The following WWOX variants were observed in gnomAD, a reference collection of about 807,000 sequenced individuals.
WWOX encodes WW domain containing oxidoreductase.
WWOX carries 69 observed loss-of-function variants against 46.2 expected under a neutral mutation model. The ratio of observed to expected loss-of-function variants is 1.49; its 90% CI spans 1.23 to 1.82. The LOEUF (loss-of-function observed/expected upper bound fraction) is 1.82, where lower values mean the gene tolerates loss of function less well. WWOX is among the 40% of genes most tolerant of loss of function. WWOX has a pLI of 0.00. For synonymous variants in WWOX, 359 were observed against 202.6 expected, an observed-to-expected ratio of 1.77 and a Z score of -6.56; for missense variants, 919 against 542.6, an observed-to-expected ratio of 1.69 and a Z score of -6.89.
intron 8 of WWOX, among the ~76,000 whole-genome samples, chr16:78,618,863 G>C (rs1310898866): frequency 6.6e-6 from 1 of 151,606 alleles, no homozygotes; most frequent in Non-Finnish European, 1.5e-5. Flanking sequence ...GCTATACGCG[G>C]ACACCTTGGA....
chr16:78,589,572 C>T (rs1054039485), intron 8 of WWOX, among the ~76,000 whole-genome samples: 35 of 152,234 alleles, frequency 2.3e-4, no homozygotes, highest in African/African-American at 8.2e-4. Flanking sequence ...TAATGAACTC[C>T]TTGCAAGGGC....
intron 8 of WWOX, among the ~76,000 whole-genome samples, chr16:78,609,041 A>C (rs540288371): frequency 7.2e-5 from 11 of 152,288 alleles, no homozygotes; most frequent in African/African-American, 2.6e-4. Flanking sequence ...GAGTTTTATT[A>C]AAATGATAGA....
chr16:78,341,060 C>G lies in WWOX; in HGVS notation c.517-45800C>G, dbSNP rs377479749. On this transcript the variant is annotated intron_variant, in intron 5 of 8. Coordinates refer to ENST00000566780, the MANE Select transcript of WWOX (RefSeq NM_016373.4). ...CACATTTTCTGAGCCTTTGCTGGCT[C>G]TCTGATAGGAATTGTGTTACTTCTC... 2.5e-5 allele frequency among the ~76,000 whole-genome samples: 3 copies of G among 119,642 alleles called. 1 individual carries two copies. The highest frequency in any genetic ancestry group is 5.7e-5 in the African/African-American group (2 of 35,202). 78.5% of individuals were successfully genotyped at this position (119,642 alleles called of 152,430 possible). A position where few individuals can be genotyped will look rare whatever the true frequency, so the allele number is the denominator to read the frequency against.
chr16:78,968,507 T>C (rs1242745977), intron 8 of WWOX, among the ~76,000 whole-genome samples: 1 of 152,224 alleles, frequency 6.6e-6, no homozygotes, highest in Non-Finnish European at 1.5e-5. Context: ...GTTTCATTGT[T>C]AACCATCACA....
intron 4 of WWOX, among the ~76,000 whole-genome samples, chr16:78,118,796 G>A (rs1214256225): frequency 6.6e-6 from 1 of 152,150 alleles, no homozygotes; most frequent in African/African-American, 2.4e-5. Context: ...TTAGGCAAAT[G>A]GAATGCCCCA....
At chr16:79,036,271 C>G (rs1433204254) in intron 8 of WWOX, among the ~76,000 whole-genome samples, 1 of 152,212 alleles carries the variant, frequency 6.6e-6, no homozygotes, top group East Asian at 1.9e-4. Flanking sequence ...TTTGCCCTGA[C>G]TCCCACCAGA....
intron 8 of WWOX, chr16:79,017,009 T>G (rs2047427606): frequency 6.6e-6 from 1 of 152,206 alleles, no homozygotes; most frequent in Non-Finnish European, 1.5e-5. Flanking sequence ...CTAGATGGTA[T>G]CACCTTCAAA....
At chr16:78,588,409 G>C (rs566287124) in intron 8 of WWOX, among the ~76,000 whole-genome samples, 1 of 152,286 alleles carries the variant, frequency 6.6e-6, no homozygotes, top group South Asian at 2.1e-4. Flanking sequence ...GGGCTACTCT[G>C]TACTCAGATG....
intron 8 of WWOX, among the ~76,000 whole-genome samples, chr16:78,835,694 G>A (rs1478425548): frequency 6.6e-6 from 1 of 152,204 alleles, no homozygotes; most frequent in Non-Finnish European, 1.5e-5. Flanking sequence ...AACTCACCCT[G>A]TGCTAATCTG....
chr16:78,196,574 A>G (rs1412002666), intron 5 of WWOX, among the ~76,000 whole-genome samples: 1 of 152,214 alleles, frequency 6.6e-6, no homozygotes, highest in South Asian at 2.1e-4. Context: ...TCGTGTGGAA[A>G]TTAACATTAC....
intron 8 of WWOX, among the ~76,000 whole-genome samples, chr16:78,938,978 A>T (rs766593324): frequency 2.0e-5 from 3 of 152,176 alleles, no homozygotes; most frequent in Non-Finnish European, 4.4e-5. Context: ...GTGTAATGAC[A>T]TGGTTTAGAT....
At chr16:78,230,195 A>G (rs1199326805) in intron 5 of WWOX, among the ~76,000 whole-genome samples, 1 of 152,054 alleles carries the variant, frequency 6.6e-6, no homozygotes, top group African/African-American at 2.4e-5. Context: ...CTTACGTTTC[A>G]GCATCTTTCA....
intron 4 of WWOX, among the ~76,000 whole-genome samples, chr16:78,136,657 T>C (rs180974310): frequency 2.0e-5 from 3 of 152,336 alleles, no homozygotes; most frequent in East Asian, 3.9e-4. Flanking sequence ...CACAGGTTGG[T>C]TCGTTAACCT....
chr16:78,586,751 G>C (rs2045217802), intron 8 of WWOX, among the ~76,000 whole-genome samples: 1 of 152,038 alleles, frequency 6.6e-6, no homozygotes, highest in South Asian at 2.1e-4. Context: ...ATTATTCTTT[G>C]ACATAGAGGA....
chr16:78,389,732 C>G lies in WWOX; in HGVS notation c.605+2784C>G, dbSNP rs936447162. ...GCTCCAACTTGACCACCGTACTATA[C>G]TGTGTTTCATTTTAGTTTATTTTTT... On this transcript the variant is annotated intron_variant, in intron 6 of 8. Coordinates refer to ENST00000566780, the MANE Select transcript of WWOX (RefSeq NM_016373.4). Among the ~76,000 whole-genome samples, 15 of 152,188 alleles carry G rather than the reference C, an allele frequency of 9.9e-5. No individual in the cohort carries two copies. The Middle Eastern group carries it at 0.01, about 104-fold the overall frequency.
rs145906651 is a variant in WWOX, at chr16:78,984,125, G to A, written c.1057-227483G>A. 7.5e-3 allele frequency among the ~76,000 whole-genome samples: 1,148 copies of A among 152,076 alleles called. 21 individuals carry two copies. The highest frequency in any genetic ancestry group is 0.026 in the African/African-American group (1,090 of 41,488). ...GATCTCCTGACCTCGTGATCTGCCCGCCTTGGCCTCCCAAAGTGCTGGCAT... is the reference window on the plus strand; with the variant it reads ...GATCTCCTGACCTCGTGATCTGCCCACCTTGGCCTCCCAAAGTGCTGGCAT... On this transcript the variant is annotated intron_variant, in intron 8 of 8. Transcript: ENST00000566780.
chr16:78,603,840 C>G (rs1295349341), intron 8 of WWOX, among the ~76,000 whole-genome samples: 1 of 152,134 alleles, frequency 6.6e-6, no homozygotes, highest in Non-Finnish European at 1.5e-5. Flanking sequence ...TGTCAGTAGA[C>G]TCTCTCAAAA....
chr16:78,610,654 C>G (rs1385699761), intron 8 of WWOX, among the ~76,000 whole-genome samples: 1 of 152,022 alleles, frequency 6.6e-6, no homozygotes, highest in Non-Finnish European at 1.5e-5. Context: ...AAAGTGAACC[C>G]AGATATGTGG....
chr16:79,066,817 G>A (rs929855911), intron 8 of WWOX, among the ~76,000 whole-genome samples: 2 of 152,314 alleles, frequency 1.3e-5, no homozygotes, highest in African/African-American at 4.8e-5. Context: ...TACAAATGTG[G>A]CTTGTCACCA....
Sources: allele counts gnomAD v4.1 joint callset (sites outside exome capture counted in the v4.1 genomes callset), GRCh38; gene constraint gnomAD v4.1.1; transcripts MANE v1.5; gene names NCBI Gene and HGNC (gene_info 2026-07-23, HGNC 2026-07-21).